HDLBP: variants seen among roughly 807,000 people sequenced by gnomAD.
The protein encoded by HDLBP is vigilin.
HDLBP carries 30 observed loss-of-function variants against 137.3 expected under a neutral mutation model. The ratio of observed to expected loss-of-function variants is 0.22; its 90% CI spans 0.16 to 0.30. The LOEUF (loss-of-function observed/expected upper bound fraction) is 0.30. Among genes scored for constraint, HDLBP ranks in the 10% least tolerant of loss-of-function variants. The pLI, the probability that HDLBP is intolerant of heterozygous loss-of-function variation, is 1.00. For missense variants in HDLBP, 1,119 were observed against 1,667.3 expected, an observed-to-expected ratio of 0.67 and a Z score of 5.73; for synonymous variants, 606 against 596.0, an observed-to-expected ratio of 1.02 and a Z score of -0.24.
chr2:241,308,143 G>A (rs760279959), intron 1 of HDLBP, among the ~76,000 whole-genome samples: 5 of 152,144 alleles, frequency 3.3e-5, no homozygotes, highest in African/African-American at 9.7e-5. Context: ...CCTGATGTGC[G>A]GGAAATACGA....
At chr2:241,248,402 C>G in intron 12 of HDLBP, 54 bp from the exon 13 acceptor site, 1 of 1,385,388 alleles carries the variant, frequency 7.2e-7, no homozygotes, top group African/African-American at 1.4e-5. Flanking sequence ...CGAGCAACTC[C>G]CCACTGACAC....
chr2:241,301,836 T>A (rs2075405703), intron 1 of HDLBP, among the ~76,000 whole-genome samples: 1 of 151,756 alleles, frequency 6.6e-6, no homozygotes, highest in Admixed American at 6.6e-5. Context: ...AATAAATAAA[T>A]CAGAAACCAT....
At chr2:241,307,442 G>C (rs1055012700) in intron 1 of HDLBP, among the ~76,000 whole-genome samples, 3 of 152,180 alleles carry the variant, frequency 2.0e-5, no homozygotes, top group African/African-American at 7.2e-5. Context: ...GGATGGGTAG[G>C]GGCTACACGA....
chr2:241,267,996 T>TC (rs1483972109), intron 2 of HDLBP: 2 of 975,742 alleles, frequency 2.0e-6, no homozygotes, highest in Admixed American at 1.2e-4. Flanking sequence ...TCCTTCCCTC[T>TC]CCTTCCCTCT....
At chr2:241,299,129 TAA>T (rs1008638717) in intron 1 of HDLBP, among the ~76,000 whole-genome samples, 1 of 152,216 alleles carries the variant, frequency 6.6e-6, no homozygotes, top group African/African-American at 2.4e-5. Context: ...GTGGTTCAGA[TAA>T]AGAGCTGTAC....
In HDLBP at chr2:241,255,473, A is replaced by C; in HGVS notation, c.981T>G (p.Val327=). ...TGTCTGAGGGTGGGATCTCAACGGAAACTCCAGTTCTCTCAAGGATCTCCT... is the reference window on the plus strand; with the variant it reads ...TGTCTGAGGGTGGGATCTCAACGGACACTCCAGTTCTCTCAAGGATCTCCT... ...SLQEILERTG[V]SVEIPPSDSI... The change falls in exon 8 of 28, where the codon GTT becomes GTG. Residue 327 remains valine, a synonymous_variant. Transcript: ENST00000310931. 1 of 1,614,106 alleles carries C rather than the reference A, an allele frequency of 6.2e-7. No homozygotes were observed. Among genetic ancestry groups the C allele is most frequent in the Non-Finnish European group, 8.5e-7 (1 of 1,179,948 alleles).
chr2:241,272,600 C>T lies in HDLBP; in HGVS notation c.-102-4059G>A. On this transcript the variant is annotated intron_variant, in intron 1 of 27. Transcript: ENST00000310931. This position sits in a 1 kb window ranked among gnomAD's most constrained non-coding sequence, Gnocchi z 5.6. ...GCGCGGTAAGCAGGACACCCGCGGGCGGGGGCCGCAGCCTGGGGCCCGGGT... is the reference window on the plus strand; with the variant it reads ...GCGCGGTAAGCAGGACACCCGCGGGTGGGGGCCGCAGCCTGGGGCCCGGGT... 1.0e-6 allele frequency: 1 copy of T among 983,328 alleles called. No individual in the cohort carries two copies. The highest frequency in any genetic ancestry group is 1.2e-6 in the Non-Finnish European group (1 of 828,896). 60.9% of individuals were successfully genotyped at this position (983,328 alleles called of 1,614,324 possible). A position where few individuals can be genotyped will look rare whatever the true frequency, so the allele number is the denominator to read the frequency against.
At chr2:241,237,984 TGCAG>T (rs2070765198) in intron 20 of HDLBP, among the ~76,000 whole-genome samples, 1 of 152,258 alleles carries the variant, frequency 6.6e-6, no homozygotes. Context: ...CTCAGCAGGC[TGCAG>T]GGCCACCTGC....
chr2:241,244,150 G>T (rs2071493558), intron 16 of HDLBP, among the ~76,000 whole-genome samples: 1 of 152,114 alleles, frequency 6.6e-6, no homozygotes, highest in Non-Finnish European at 1.5e-5. Context: ...AAGAATTAAT[G>T]AATTTAAAGA....
In HDLBP at chr2:241,229,514, G is replaced by A. The variant is rs1283969326; in HGVS notation, c.*87C>T. On this transcript the variant is annotated 3_prime_UTR_variant, in exon 28 of 28. Coordinates refer to ENST00000310931, the MANE Select transcript of HDLBP (RefSeq NM_005336.6). ...GAAGAGCGTCAACAATTTACGGAGG[G>A]TCCAGCCGCTGGGTCAGATTGAGAC... 4 of 964,980 alleles carry A rather than the reference G, an allele frequency of 4.1e-6. No homozygotes were observed. The highest frequency in any genetic ancestry group is 1.6e-5 in the African/African-American group (1 of 61,738). The allele number at this position is 964,980 out of a possible 1,614,324, so 59.8% of individuals were successfully genotyped here.
intron 1 of HDLBP, 59 bp from the exon 2 acceptor site, chr2:241,268,600 C>A: frequency 1.7e-6 from 1 of 605,468 alleles, no homozygotes; most frequent in Non-Finnish European, 2.1e-6. Flanking sequence ...AGTTACTTAT[C>A]TACATTTTAC....
chr2:241,262,983 T>C (rs2073323266), intron 4 of HDLBP, 57 bp from the exon 5 acceptor site: 12 of 1,335,918 alleles, frequency 9.0e-6, no homozygotes, highest in East Asian at 2.3e-5. Context: ...GGCCAACAGA[T>C]AGGGAGTAAA....
chr2:241,286,818 C>T (rs552780585), intron 1 of HDLBP, among the ~76,000 whole-genome samples: 2 of 152,048 alleles, frequency 1.3e-5, no homozygotes, highest in African/African-American at 2.4e-5. Flanking sequence ...TGGTAGTATG[C>T]ACCTGTAGTG....
intron 16 of HDLBP, among the ~76,000 whole-genome samples, chr2:241,245,993 G>C (rs2071641434): frequency 6.7e-6 from 1 of 150,148 alleles, no homozygotes; most frequent in Non-Finnish European, 1.5e-5. Context: ...TTGACACCTT[G>C]GAGAAAATAG....
At chr2:241,303,840 A>G (rs1295123739) in intron 1 of HDLBP, among the ~76,000 whole-genome samples, 2 of 152,184 alleles carry the variant, frequency 1.3e-5, no homozygotes, top group Non-Finnish European at 2.9e-5. Flanking sequence ...ACGGAGTCTC[A>G]CTCTGTGACC....
intron 1 of HDLBP, among the ~76,000 whole-genome samples, chr2:241,306,343 C>A (rs947201473): frequency 2.0e-5 from 3 of 151,434 alleles, no homozygotes; most frequent in Admixed American, 6.6e-5. Context: ...CTCACTGCAA[C>A]CTCTGCCTCC....
At chr2:241,269,858 T>G (rs2073928177) in intron 1 of HDLBP, among the ~76,000 whole-genome samples, 1 of 152,090 alleles carries the variant, frequency 6.6e-6, no homozygotes, top group African/African-American at 2.4e-5. Flanking sequence ...CAGTGACACT[T>G]GCCTCTGGTC....
Position 241,248,134 on chromosome 2 carries a change from G to T in HDLBP, c.1618-18C>A, listed in dbSNP as rs767120849. Reference sequence around the variant, plus strand: ...ATGATGACCTAGAACAAATCATGGGGAGACTAAGTTCAAGTATGAGGAAGG... The same window carrying T: ...ATGATGACCTAGAACAAATCATGGGTAGACTAAGTTCAAGTATGAGGAAGG... On this transcript the variant is annotated intron_variant, in intron 13 of 27. Coordinates refer to ENST00000310931, the MANE Select transcript of HDLBP (RefSeq NM_005336.6). 4 of 1,597,428 alleles carry T rather than the reference G, an allele frequency of 2.5e-6. No individual in the cohort carries two copies. The highest frequency in any genetic ancestry group is 3.4e-6 in the Non-Finnish European group (4 of 1,164,766).
chr2:241,300,207 C>G (rs1260038295), intron 1 of HDLBP, among the ~76,000 whole-genome samples: 1 of 152,110 alleles, frequency 6.6e-6, no homozygotes, highest in East Asian at 1.9e-4. Flanking sequence ...GGAACTCCCC[C>G]CACCCCGCCC....
Sources: gnomAD v4.1 joint callset for allele counts (sites outside exome capture counted in the v4.1 genomes callset) on GRCh38, gnomAD v4.1.1 for gene constraint, Gnocchi (gnomAD v3.1) non-coding constraint, MANE v1.5 for transcripts, NCBI Gene and HGNC (gene_info 2026-07-23, HGNC 2026-07-21) for gene names.